DOCK4: variants seen among roughly 807,000 people sequenced by gnomAD.
DOCK4 encodes the protein dedicator of cytokinesis 4.
In DOCK4, 97 loss-of-function variants were observed where a neutral mutation model predicts 268.1. The observed-to-expected ratio is 0.36, with a 90% CI of 0.31 to 0.43. The LOEUF (loss-of-function observed/expected upper bound fraction) is 0.43. Among genes scored for constraint, DOCK4 ranks in the 20% least tolerant of loss-of-function variants. The probability of loss-of-function intolerance (pLI) is 1.00; values close to 1 mark genes in which losing one functional copy is unlikely to be tolerated. For missense variants in DOCK4, 2,145 were observed against 2,455.7 expected, an observed-to-expected ratio of 0.87 and a Z score of 2.67; for synonymous variants, 954 against 887.2, an observed-to-expected ratio of 1.08 and a Z score of -1.34.
intron 1 of DOCK4, among the ~76,000 whole-genome samples, chr7:112,155,950 A>C (rs1466135796): frequency 1.3e-5 from 2 of 152,216 alleles, no homozygotes; most frequent in Non-Finnish European, 2.9e-5. Flanking sequence ...AATTCGTTTA[A>C]ATTTAAAAAT....
intron 49 of DOCK4, 150 bp from the exon 50 acceptor site, chr7:111,737,139 T>C: frequency 1.6e-6 from 1 of 634,194 alleles, no homozygotes. Flanking sequence ...AATTTAATTA[T>C]ATTTAAGTAA....
intron 12 of DOCK4, among the ~76,000 whole-genome samples, chr7:111,919,388 T>C (rs1792909543): frequency 6.6e-6 from 1 of 151,888 alleles, no homozygotes; most frequent in South Asian, 2.1e-4. Context: ...AGGACCCATT[T>C]AGGAGACAGT....
intron 26 of DOCK4, among the ~76,000 whole-genome samples, chr7:111,832,817 G>A (rs550405325): frequency 4.6e-5 from 7 of 152,330 alleles, no homozygotes; most frequent in African/African-American, 1.4e-4. Context: ...ACGGCGCCCC[G>A]CCAGCCTCAG....
intron 1 of DOCK4, among the ~76,000 whole-genome samples, chr7:112,128,294 G>A (rs1813434569): frequency 6.6e-6 from 1 of 150,998 alleles, no homozygotes; most frequent in South Asian, 2.1e-4. Flanking sequence ...GAGGGAGGTG[G>A]GGGGGGTCAG....
chr7:111,878,352 T>C (rs1303051704), intron 16 of DOCK4, among the ~76,000 whole-genome samples: 1 of 152,022 alleles, frequency 6.6e-6, no homozygotes, highest in African/African-American at 2.4e-5. Flanking sequence ...TAACTGAAAA[T>C]TGGTGGATTA....
At chr7:111,906,801 T>G (rs1018900) in intron 13 of DOCK4, among the ~76,000 whole-genome samples, 34,991 of 151,752 alleles carry the variant, frequency 0.23, 4,743 homozygotes, top group African/African-American at 0.37. Flanking sequence ...AGCCAAGGAG[T>G]GCAGGCAGCT....
chr7:112,108,775 T>C (rs1196301041), intron 1 of DOCK4, among the ~76,000 whole-genome samples: 1 of 152,248 alleles, frequency 6.6e-6, no homozygotes, highest in African/African-American at 2.4e-5. Context: ...CACGATTGCA[T>C]TTCAGTGCCA....
intron 20 of DOCK4, among the ~76,000 whole-genome samples, chr7:111,870,462 CA>C (rs1235282070): frequency 6.6e-6 from 1 of 151,432 alleles, no homozygotes. Context: ...AGCTGGGATT[CA>C]AGTATGCACC....
At chr7:111,791,622 T>C (rs1430179264) in intron 30 of DOCK4, among the ~76,000 whole-genome samples, 1 of 152,054 alleles carries the variant, frequency 6.6e-6, no homozygotes. Flanking sequence ...CTAATTTTTG[T>C]ATTTTAGTAG....
At chr7:111,792,152 A>C (rs571953412) in intron 30 of DOCK4, among the ~76,000 whole-genome samples, 1 of 152,222 alleles carries the variant, frequency 6.6e-6, no homozygotes, top group African/African-American at 2.4e-5. Context: ...GTTAAATCTC[A>C]TAAGTTTCTA....
At chr7:111,867,318 G>A (rs1006032880) in intron 22 of DOCK4, among the ~76,000 whole-genome samples, 1 of 152,084 alleles carries the variant, frequency 6.6e-6, no homozygotes, top group African/African-American at 2.4e-5. Context: ...TTCTCCTTCT[G>A]ACAGGTTTTT....
chr7:112,147,853 G>A (rs899837251), intron 1 of DOCK4, among the ~76,000 whole-genome samples: 1 of 139,240 alleles, frequency 7.2e-6, no homozygotes, highest in Non-Finnish European at 1.5e-5. Flanking sequence ...ACCAGGAGGA[G>A]GCTTGAAAGC....
At chr7:111,931,825 T>C (rs1007926407) in intron 12 of DOCK4, among the ~76,000 whole-genome samples, 1 of 152,192 alleles carries the variant, frequency 6.6e-6, no homozygotes, top group Non-Finnish European at 1.5e-5. Context: ...ATGTATGATG[T>C]CCTGTGGTAA....
At chr7:112,083,323 A>G (rs1237623010) in intron 1 of DOCK4, among the ~76,000 whole-genome samples, 1 of 152,104 alleles carries the variant, frequency 6.6e-6, no homozygotes, top group Admixed American at 6.6e-5. Flanking sequence ...ACATAAAAGT[A>G]CCTAGAGATT....
chr7:112,117,431 T>C (rs983934653), intron 1 of DOCK4, among the ~76,000 whole-genome samples: 7 of 152,180 alleles, frequency 4.6e-5, no homozygotes. Context: ...GGTGCAGTGA[T>C]GTGGTCTCAG....
At chr7:111,940,385 T>C (rs1262663366) in intron 10 of DOCK4, 143 bp from the exon 11 acceptor site, 3 of 1,082,278 alleles carry the variant, frequency 2.8e-6, no homozygotes, top group Middle Eastern at 2.3e-4. Context: ...ACAGAAGATA[T>C]TGCTTCAGTT....
At chr7:112,190,688 T>C (rs911553521) in intron 1 of DOCK4, among the ~76,000 whole-genome samples, 1 of 150,684 alleles carries the variant, frequency 6.6e-6, no homozygotes, top group Admixed American at 6.6e-5. Context: ...AAAAAAAAAA[T>C]TAAAGATTTT....
intron 30 of DOCK4, among the ~76,000 whole-genome samples, chr7:111,794,257 C>T (rs186016913): frequency 2.0e-5 from 3 of 152,244 alleles, no homozygotes; most frequent in African/African-American, 7.2e-5. Flanking sequence ...GGCAAGATCA[C>T]AACTTCAGTT....
At chr7:112,069,775 T>C (rs895379867) in intron 1 of DOCK4, among the ~76,000 whole-genome samples, 7 of 151,868 alleles carry the variant, frequency 4.6e-5, no homozygotes, top group African/African-American at 1.7e-4. Flanking sequence ...TTGAAACAGA[T>C]CCACTGCATT....
Sources: allele counts gnomAD v4.1 joint callset (sites outside exome capture counted in the v4.1 genomes callset), GRCh38; gene constraint gnomAD v4.1.1; transcripts MANE v1.5; gene names NCBI Gene and HGNC (gene_info 2026-07-23, HGNC 2026-07-21).